EPHX2: variants seen among roughly 807,000 people sequenced by gnomAD.
EPHX2 encodes the protein bifunctional epoxide hydrolase 2.
A neutral mutation model predicts 78.7 loss-of-function variants in EPHX2; 74 were observed. That is an observed-to-expected ratio of 0.94 (90% CI 0.78 to 1.14). EPHX2 has a LOEUF of 1.14. EPHX2 is among the 50% of genes most tolerant of loss of function. The probability of loss-of-function intolerance (pLI) is 0.00; values close to 1 mark genes in which losing one functional copy is unlikely to be tolerated. For missense variants in EPHX2, 715 were observed against 702.5 expected (o/e 1.02, Z -0.20); for synonymous variants, 251 against 255.2 (o/e 0.98, Z 0.16).
At chr8:27,541,595 G>A in intron 16 of EPHX2, 53 bp downstream of exon 16, 1 of 1,600,474 alleles carries the variant, frequency 6.2e-7, no homozygotes. Flanking sequence ...CCGCCCGCGG[G>A]GCTTCCCATT....
downstream of EPHX2, among the ~76,000 whole-genome samples, chr8:27,548,112 G>C (rs573738935): frequency 3.3e-5 from 5 of 152,248 alleles, no homozygotes; most frequent in Admixed American, 3.3e-4. Flanking sequence ...CCACTTAGTG[G>C]CTGTCAATTA....
At chr8:27,538,780 C>G (rs773373356) in intron 14 of EPHX2, 88 bp downstream of exon 14, 4 of 1,458,482 alleles carry the variant, frequency 2.7e-6, no homozygotes, top group Non-Finnish European at 3.8e-6. Flanking sequence ...GGCAGAAGCC[C>G]TGAGCTCTCC....
At chr8:27,506,725 C>T (rs141250811) in intron 4 of EPHX2, 147 bp from the exon 5 acceptor site, 110 of 1,160,442 alleles carry the variant, frequency 9.5e-5, no homozygotes, top group African/African-American at 8.3e-4. Context: ...TGTTTTCATG[C>T]GTATGTTGTG....
Position 27,544,566 on chromosome 8 carries a change from C to T in EPHX2, c.*44C>T, listed in dbSNP as rs201934064. The T allele has an allele frequency of 4.8e-5, 76 of 1,596,838 alleles. No homozygotes were observed. The East Asian group carries it at 6.5e-4, about 14-fold the overall frequency. ...GCTCAGCAGGTGTGCCATCCTTCCA[C>T]CTGCTGGGGCACCATTCTTAGTATA... On this transcript the variant is annotated 3_prime_UTR_variant, in exon 19 of 19. Coordinates refer to ENST00000521400, the MANE Select transcript of EPHX2 (RefSeq NM_001979.6).
At position 27,504,950 on chromosome 8, in the gene EPHX2, G is replaced by T; in HGVS notation, c.347-6G>T. 1 of 1,613,500 alleles carries T rather than the reference G, an allele frequency of 6.2e-7. No individual in the cohort carries two copies. On this transcript the variant is annotated splice_region_variant and splice_polypyrimidine_tract_variant and intron_variant, in intron 3 of 18. Transcript: ENST00000521400. ...CTGGTCTATCTACTGGTGGCTTTTT[G>T]CTCAGGATTCACTACTGCCATCCTC... is the stretch of plus-strand genomic sequence containing the variant.
chr8:27,527,118 T>A (rs914986355), intron 12 of EPHX2, among the ~76,000 whole-genome samples: 9 of 152,046 alleles, frequency 5.9e-5, no homozygotes, highest in Non-Finnish European at 1.3e-4. Context: ...TTTTTTGATT[T>A]TTTTGTTTGT....
At chr8:27,530,262 A>C (rs867631191) in intron 12 of EPHX2, among the ~76,000 whole-genome samples, 9 of 152,274 alleles carry the variant, frequency 5.9e-5, no homozygotes, top group African/African-American at 2.2e-4. Context: ...GATTAGTTAC[A>C]GAGTTTATTT....
chr8:27,545,743 G>A (rs540821041), downstream of EPHX2, among the ~76,000 whole-genome samples: 20 of 152,152 alleles, frequency 1.3e-4, no homozygotes, highest in Non-Finnish European at 2.5e-4. Flanking sequence ...CAATGGCCTC[G>A]CTGCTTGCGA....
intron 12 of EPHX2, among the ~76,000 whole-genome samples, chr8:27,532,625 A>G (rs1221627923): frequency 6.6e-6 from 1 of 152,002 alleles, no homozygotes; most frequent in Non-Finnish European, 1.5e-5. Context: ...GTTGCTGGCA[A>G]TTCCTGGTGT....
chr8:27,525,111 C>CGT (rs1313799271), intron 11 of EPHX2, among the ~76,000 whole-genome samples: 7 of 135,652 alleles, frequency 5.2e-5, no homozygotes, highest in Non-Finnish European at 1.0e-4. Context: ...TGTGTGTGCG[C>CGT]GCGCGCGCGC....
At position 27,536,851 on chromosome 8, in the gene EPHX2, ATGAGG is replaced by A; in HGVS notation, c.1242+2_1242+6del. 6.2e-7 allele frequency: 1 copy of A among 1,601,868 alleles called. No individual in the cohort carries two copies. The highest frequency in any genetic ancestry group is 8.5e-7 in the Non-Finnish European group (1 of 1,169,926). On this transcript the variant is annotated splice_donor_variant and coding_sequence_variant, in exon 13 of 19. Transcript: ENST00000521400. LOFTEE classifies it high-confidence loss of function. ...TTCAAAAGCCTCTTCAGAGCAAGCGATGAGGTGAGGGGTGGGGATGGGTGCAGAAG... is the reference window on the plus strand; with the variant it reads ...TTCAAAAGCCTCTTCAGAGCAAGCGATGAGGGGTGGGGATGGGTGCAGAAG...
chr8:27,543,620 CTG>C, intron 16 of EPHX2, 127 bp from the exon 17 acceptor site: 1 of 830,216 alleles, frequency 1.2e-6, no homozygotes, highest in Non-Finnish European at 2.0e-6. Flanking sequence ...AACCACGAGT[CTG>C]TTGTGCAAAG....
At chr8:27,522,948 T>G (rs1585208093) in intron 11 of EPHX2, among the ~76,000 whole-genome samples, 1 of 107,256 alleles carries the variant, frequency 9.3e-6, no homozygotes, top group Admixed American at 1.4e-4. Context: ...GTGACAAGAG[T>G]GAAACTCCGT....
At chr8:27,541,653 G>C (rs944447590) in intron 16 of EPHX2, 111 bp downstream of exon 16, 36 of 1,089,478 alleles carry the variant, frequency 3.3e-5, no homozygotes, top group Non-Finnish European at 5.0e-5. Context: ...GGACAGATCT[G>C]CTGGCCACCT....
chr8:27,503,044 G>C (rs180994671), intron 2 of EPHX2, among the ~76,000 whole-genome samples: 50 of 152,294 alleles, frequency 3.3e-4, no homozygotes, highest in African/African-American at 1.1e-3. Flanking sequence ...CCTTCAGGAA[G>C]TAATTGGGTC....
At chr8:27,522,616 TA>T (rs1814689347) in intron 11 of EPHX2, 108 bp downstream of exon 11, 14 of 1,104,638 alleles carry the variant, frequency 1.3e-5, no homozygotes, top group Non-Finnish European at 1.7e-5. Flanking sequence ...AACAAGTAGG[TA>T]GTCTGGGAAG....
chr8:27,539,961 C>T (rs1315485014), intron 14 of EPHX2, among the ~76,000 whole-genome samples: 1 of 152,072 alleles, frequency 6.6e-6, no homozygotes, highest in Non-Finnish European at 1.5e-5. Flanking sequence ...TGCAGTGGTC[C>T]CTGGGCTGCC....
At chr8:27,527,002 G>A (rs140600436) in intron 12 of EPHX2, among the ~76,000 whole-genome samples, 7 of 152,054 alleles carry the variant, frequency 4.6e-5, no homozygotes, top group Admixed American at 1.3e-4. Context: ...GTACAGTGGC[G>A]CAATCTCGGC....
intron 1 of EPHX2, among the ~76,000 whole-genome samples, chr8:27,495,587 G>A (rs1252698359): frequency 6.6e-6 from 1 of 152,196 alleles, no homozygotes; most frequent in Non-Finnish European, 1.5e-5. Context: ...TTGTCTGACA[G>A]CCATAAATTT....
Sources: allele counts gnomAD v4.1 joint callset (sites outside exome capture counted in the v4.1 genomes callset), GRCh38; gene constraint gnomAD v4.1.1; transcripts MANE v1.5; gene names NCBI Gene and HGNC (gene_info 2026-07-23, HGNC 2026-07-21).